SLC16A12: variants seen among roughly 807,000 people sequenced by gnomAD.
SLC16A12 encodes the protein solute carrier family 16 member 12.
A neutral mutation model predicts 42.4 loss-of-function variants in SLC16A12; 17 were observed. The ratio of observed to expected loss-of-function variants is 0.40; its 90% CI spans 0.27 to 0.60. SLC16A12 has a LOEUF of 0.60. Ranked by LOEUF, SLC16A12 falls within the 20% of genes least tolerant of loss-of-function variation. The pLI is 0.42. For missense variants in SLC16A12, 544 were observed against 623.0 expected (o/e 0.87, Z 1.35); for synonymous variants, 224 against 229.4 (o/e 0.98, Z 0.21).
Position 89,432,966 on chromosome 10 carries a change from G to C in SLC16A12, c.*98C>G. On this transcript the variant is annotated 3_prime_UTR_variant, in exon 8 of 8. Coordinates refer to ENST00000371790, the MANE Select transcript of SLC16A12 (RefSeq NM_213606.4). ...AACAATAATAATAATTTCCTTGGAAGGCAATCCTTCTGCCAAAATAAAAAG... is the reference window on the plus strand; with the variant it reads ...AACAATAATAATAATTTCCTTGGAACGCAATCCTTCTGCCAAAATAAAAAG... The C allele has an allele frequency of 6.8e-7, 1 of 1,476,326 alleles. No homozygotes were observed. The allele number at this position is 1,476,326 out of a possible 1,614,324, so 91.5% of individuals were successfully genotyped here.
intron 2 of SLC16A12, among the ~76,000 whole-genome samples, chr10:89,496,645 CTGCATA>C (rs1363344206): frequency 6.6e-6 from 1 of 152,178 alleles, no homozygotes; most frequent in African/African-American, 2.4e-5. Flanking sequence ...TATTATACAA[CTGCATA>C]TGAAAAGGCA....
chr10:89,526,688 A>G (rs767056699), intron 2 of SLC16A12, among the ~76,000 whole-genome samples: 2 of 152,262 alleles, frequency 1.3e-5, no homozygotes, highest in Non-Finnish European at 2.9e-5. Flanking sequence ...AATCAAGCAC[A>G]GGACACCTGC....
At chr10:89,555,690 CATATATACATATATAT>C (rs1564607574) in intron 2 of SLC16A12, among the ~76,000 whole-genome samples, 1 of 107,904 alleles carries the variant, frequency 9.3e-6, no homozygotes, top group Non-Finnish European at 1.9e-5. Flanking sequence ...TATATACACA[CATATATACATATATAT>C]ATATATATAT....
At chr10:89,456,651 G>GTA (rs1048686071) in intron 3 of SLC16A12, among the ~76,000 whole-genome samples, 1 of 151,998 alleles carries the variant, frequency 6.6e-6, no homozygotes, top group African/African-American at 2.4e-5. Flanking sequence ...CATCACCTAA[G>GTA]TATTAAGCCC....
At chr10:89,556,193 T>C (rs1310480335) in intron 1 of SLC16A12, among the ~76,000 whole-genome samples, 1 of 152,200 alleles carries the variant, frequency 6.6e-6, no homozygotes, top group African/African-American at 2.4e-5. Context: ...TCGCTTTCAA[T>C]TCATGCTCTC....
chr10:89,506,016 C>T (rs1843055348), intron 2 of SLC16A12, among the ~76,000 whole-genome samples: 2 of 152,214 alleles, frequency 1.3e-5, no homozygotes, highest in African/African-American at 4.8e-5. Flanking sequence ...GGCCAACTGT[C>T]TCTCTAGATT....
intron 2 of SLC16A12, among the ~76,000 whole-genome samples, chr10:89,554,554 G>T (rs1223287512): frequency 6.6e-6 from 1 of 152,198 alleles, no homozygotes; most frequent in Non-Finnish European, 1.5e-5. Context: ...AATATTTGAG[G>T]TTGTGGGGAG....
upstream of SLC16A12, among the ~76,000 whole-genome samples, chr10:89,536,057 C>CG (rs1843655377): frequency 6.6e-6 from 1 of 151,978 alleles, no homozygotes; most frequent in African/African-American, 2.4e-5. Context: ...GGACGTCTCG[C>CG]GGTTATGTAA....
At chr10:89,451,350 C>T (rs1320830801) in intron 3 of SLC16A12, among the ~76,000 whole-genome samples, 1 of 152,136 alleles carries the variant, frequency 6.6e-6, no homozygotes, top group African/African-American at 2.4e-5. Flanking sequence ...GCAGCCTACA[C>T]AGTCACATAG....
intron 2 of SLC16A12, among the ~76,000 whole-genome samples, chr10:89,478,459 T>C (rs1015981102): frequency 6.6e-6 from 1 of 152,342 alleles, no homozygotes; most frequent in South Asian, 2.1e-4. Flanking sequence ...ATCCGTAAGC[T>C]TGCCTTGCAG....
chr10:89,520,690 T>C (rs555604882), intron 2 of SLC16A12, among the ~76,000 whole-genome samples: 53 of 140,110 alleles, frequency 3.8e-4, no homozygotes, highest in African/African-American at 1.4e-3. Flanking sequence ...CAAGGCCCCA[T>C]GTCAGCTGCC....
At chr10:89,530,520 C>G (rs1178396617) in intron 2 of SLC16A12, among the ~76,000 whole-genome samples, 1 of 151,880 alleles carries the variant, frequency 6.6e-6, no homozygotes, top group Non-Finnish European at 1.5e-5. Context: ...TGGGTTCATG[C>G]CATTCTCCTG....
intron 2 of SLC16A12, among the ~76,000 whole-genome samples, chr10:89,548,449 A>T (rs66846065): frequency 0.096 from 14,635 of 152,132 alleles, 748 homozygotes; most frequent in Non-Finnish European, 0.11. Context: ...AAGAGGTTGG[A>T]TGAAGCCAGA....
chr10:89,546,838 G>C (rs575378087), intron 2 of SLC16A12, among the ~76,000 whole-genome samples: 1 of 152,302 alleles, frequency 6.6e-6, no homozygotes, highest in East Asian at 1.9e-4. Flanking sequence ...ATACACCATG[G>C]AATACTATGC....
rs189444372 is a variant in SLC16A12 at position 89,478,482 on chromosome 10, A to G, written c.-46-15858T>C. 1.1e-4 allele frequency among the ~76,000 whole-genome samples: 16 copies of G among 152,360 alleles called. No individual in the cohort carries two copies. In the East Asian group the frequency reaches 2.7e-3, roughly 26 times the overall value. On this transcript the variant is annotated intron_variant, in intron 2 of 7. Transcript: ENST00000371790. ...GCTTGCCTTGCAGCATTCTAGGGCT[A>G]TGGTAAAAAGGTGAAGTCAAGTCCT...
chr10:89,508,274 A>G (rs896280775), intron 2 of SLC16A12, among the ~76,000 whole-genome samples: 2 of 152,200 alleles, frequency 1.3e-5, no homozygotes, highest in Admixed American at 1.3e-4. Flanking sequence ...TAGAATATAC[A>G]TTCTTCTCAG....
chr10:89,483,738 T>TAAAAAAAAAAAAAAA (rs1253654983), intron 2 of SLC16A12, among the ~76,000 whole-genome samples: 1 of 62,316 alleles, frequency 1.6e-5, no homozygotes, highest in African/African-American at 6.4e-5. Context: ...ACGCTGCCTC[T>TAAAAAAAAAAAAAAA]AAAAAAAAAA....
At chr10:89,461,858 T>C (rs1273957795) in intron 3 of SLC16A12, among the ~76,000 whole-genome samples, 2 of 152,202 alleles carry the variant, frequency 1.3e-5, no homozygotes, top group Non-Finnish European at 2.9e-5. Flanking sequence ...GATTTCATTA[T>C]GAAAATACTG....
At chr10:89,480,728 G>A (rs1385560754) in intron 2 of SLC16A12, among the ~76,000 whole-genome samples, 1 of 152,098 alleles carries the variant, frequency 6.6e-6, no homozygotes, top group Non-Finnish European at 1.5e-5. Flanking sequence ...AAGGAAAACA[G>A]ACCCAGTGTC....
Sources: allele counts gnomAD v4.1 joint callset (sites outside exome capture counted in the v4.1 genomes callset), GRCh38; gene constraint gnomAD v4.1.1; transcripts MANE v1.5; gene names NCBI Gene and HGNC (gene_info 2026-07-23, HGNC 2026-07-21).